The following ZFP90 variants were observed in gnomAD, a reference collection of about 807,000 sequenced individuals.
ZFP90 encodes ZFP90 zinc finger protein.
In ZFP90, 38 loss-of-function variants were observed where a neutral mutation model predicts 60.8. The ratio of observed to expected loss-of-function variants is 0.62; its 90% CI spans 0.48 to 0.82. The LOEUF (loss-of-function observed/expected upper bound fraction) is 0.82. Ranked by LOEUF, ZFP90 falls within the 40% of genes least tolerant of loss-of-function variation. The probability of loss-of-function intolerance (pLI) is 0.00; values close to 1 mark genes in which losing one functional copy is unlikely to be tolerated. For synonymous variants in ZFP90, 287 were observed against 264.8 expected (o/e 1.08, Z -0.82); for missense variants, 711 against 759.1 (o/e 0.94, Z 0.74).
At chr16:68,539,578 T>G in intron 1 of ZFP90, 99 bp downstream of exon 1, 4 of 531,554 alleles carry the variant, frequency 7.5e-6, no homozygotes, top group Non-Finnish European at 1.3e-5. Flanking sequence ...CGGAGGGGGG[T>G]GTCCGGGAGG....
intron 4 of ZFP90, among the ~76,000 whole-genome samples, chr16:68,561,531 A>G (rs1298699293): frequency 6.6e-6 from 1 of 152,068 alleles, no homozygotes; most frequent in Non-Finnish European, 1.5e-5. Context: ...CACTATAAAA[A>G]CTCAGATTTA....
Position 68,563,608 on chromosome 16 carries a change from G to T in ZFP90, c.821G>T (p.Arg274Ile). The change falls in exon 5 of 5, where the codon AGA (arginine) becomes ATA (isoleucine). Residue 274 changes from arginine to isoleucine, a missense_variant. Transcript: ENST00000563169. ...LWKTQLTEHQ[R>I]IHTGEKPFEC... ...AAGACACAGCTTACTGAGCATCAGA[G>T]AATTCACACTGGGGAGAAACCCTTT... 6.2e-7 allele frequency: 1 copy of T among 1,614,214 alleles called. No individual in the cohort carries two copies.
chr16:68,538,560 G>A (rs1241537195), upstream of ZFP90, among the ~76,000 whole-genome samples: 1 of 152,132 alleles, frequency 6.6e-6, no homozygotes, highest in Non-Finnish European at 1.5e-5. Flanking sequence ...AATTAGACGG[G>A]CCTGGTGACG....
chr16:68,556,111 A>C (rs779919877), intron 2 of ZFP90, among the ~76,000 whole-genome samples: 1 of 152,208 alleles, frequency 6.6e-6, no homozygotes, highest in African/African-American at 2.4e-5. Context: ...TTGAGGCTGC[A>C]GTGATTCATG....
At position 68,564,274 on chromosome 16, in the gene ZFP90, C is replaced by T. The variant is rs1698830308; in HGVS notation, c.1487C>T (p.Pro496Leu). The change falls in exon 5 of 5, where the codon CCC becomes CTC. Residue 496 changes from proline to leucine, a missense_variant. Physicochemically the swap from Pro to Leu is moderately conservative, Grantham distance 98 (BLOSUM62 -3). Coordinates refer to ENST00000563169, the MANE Select transcript of ZFP90 (RefSeq NM_001305203.2). ...QQAISHPGEK[P>L]YQCNVCGKAF... ...GCTATTTCTCATCCTGGAGAGAAAC[C>T]CTATCAATGTAATGTATGTGGGAAA... The T allele has an allele frequency of 3.1e-6, 5 of 1,613,904 alleles. No homozygotes were observed. Among genetic ancestry groups the T allele is most frequent in the Admixed American group, 3.3e-5 (2 of 59,980 alleles).
intron 2 of ZFP90, chr16:68,573,671 G>T (rs1337820377): frequency 6.6e-6 from 1 of 152,150 alleles, no homozygotes; most frequent in Non-Finnish European, 1.5e-5. Context: ...ATTAATAATA[G>T]GAAGATCTGG....
chr16:68,570,511 G>C (rs186049591), downstream of ZFP90, among the ~76,000 whole-genome samples: 1 of 152,332 alleles, frequency 6.6e-6, no homozygotes, highest in East Asian at 1.9e-4. Context: ...TCTGGAAAAG[G>C]GGTGGTAATT....
At chr16:68,554,119 TG>T (rs1431019257) in intron 2 of ZFP90, among the ~76,000 whole-genome samples, 2 of 86,340 alleles carry the variant, frequency 2.3e-5, no homozygotes, top group African/African-American at 9.5e-5. Flanking sequence ...GGTTGTGTTT[TG>T]TTTTGTTTTT....
intron 2 of ZFP90, among the ~76,000 whole-genome samples, chr16:68,556,302 G>A (rs1219002964): frequency 1.3e-5 from 1 of 74,560 alleles, no homozygotes; most frequent in African/African-American, 4.8e-5. Flanking sequence ...GAGGCATGGG[G>A]CACCTCAGCC....
chr16:68,567,136 A>C (rs994546368), downstream of ZFP90: 16 of 985,400 alleles, frequency 1.6e-5, no homozygotes, highest in Middle Eastern at 5.2e-4. Flanking sequence ...GTTGAATGGG[A>C]GTCAGTTTGT....
At chr16:68,551,946 G>A (rs913857943) in intron 2 of ZFP90, among the ~76,000 whole-genome samples, 1 of 149,814 alleles carries the variant, frequency 6.7e-6, no homozygotes, top group Non-Finnish European at 1.5e-5. Context: ...ATTTTTATTA[G>A]AGAGGGAGTT....
downstream of ZFP90, among the ~76,000 whole-genome samples, chr16:68,569,693 G>C (rs1343189715): frequency 6.6e-6 from 1 of 151,994 alleles, no homozygotes. Flanking sequence ...TTGAGCCCAG[G>C]AGTTCGAGAC....
chr16:68,547,580 A>G (rs893889587), intron 2 of ZFP90, among the ~76,000 whole-genome samples: 3 of 151,856 alleles, frequency 2.0e-5, no homozygotes, highest in Non-Finnish European at 4.4e-5. Flanking sequence ...CCTTATGCAT[A>G]TTTTTCCCCT....
chr16:68,566,602 C>T lies in ZFP90; in HGVS notation c.*1904C>T, dbSNP rs929434904. The T allele has an allele frequency of 4.2e-5, 41 of 985,446 alleles. 1 individual carries two copies. Among genetic ancestry groups the T allele is most frequent in the South Asian group, 4.7e-5 (1 of 21,284 alleles). The allele number at this position is 985,446 out of a possible 1,614,324, so 61.0% of individuals were successfully genotyped here. A position where few individuals can be genotyped will look rare whatever the true frequency, so the allele number is the denominator to read the frequency against. On this transcript the variant is annotated 3_prime_UTR_variant, in exon 5 of 5. Transcript: ENST00000563169. ...TGGAATATTCAATGGCAGATCTGCC[C>T]TTCTGAGATGCTGACCATCCAAAAC...
chr16:68,564,752 A>T lies in ZFP90; in HGVS notation c.*54A>T. On this transcript the variant is annotated 3_prime_UTR_variant, in exon 5 of 5. Transcript: ENST00000563169. ...TGCTTTAGCTAAAATGTTCTGATTC[A>T]GGATCAGAGGATTCTTAGAGAGCTT... 1 of 1,531,324 alleles carries T rather than the reference A, an allele frequency of 6.5e-7. No homozygotes were observed. The highest frequency in any genetic ancestry group is 8.7e-7 in the Non-Finnish European group (1 of 1,145,190). 94.9% of individuals were successfully genotyped at this position (1,531,324 alleles called of 1,614,324 possible).
intron 2 of ZFP90, among the ~76,000 whole-genome samples, chr16:68,546,118 T>C (rs954611428): frequency 2.0e-5 from 3 of 152,198 alleles, no homozygotes; most frequent in Admixed American, 6.5e-5. Context: ...GAGGTTGCAG[T>C]GAGCTGAGAT....
At position 68,564,840 on chromosome 16, in the gene ZFP90, G is replaced by GTT; in HGVS notation, c.*142_*143insTT. 1 of 814,102 alleles carries GTT rather than the reference G, an allele frequency of 1.2e-6. No individual in the cohort carries two copies. Among genetic ancestry groups the GTT allele is most frequent in the South Asian group, 2.6e-5 (1 of 39,062 alleles). 50.4% of individuals were successfully genotyped at this position (814,102 alleles called of 1,614,324 possible). A position where few individuals can be genotyped will look rare whatever the true frequency, so the allele number is the denominator to read the frequency against. ...GTGTGGAGAAAACTGCCAGTAGACAGATTTTTTTTTTTTAACATAAAGACA... is the reference window on the plus strand; with the variant it reads ...GTGTGGAGAAAACTGCCAGTAGACAGTTATTTTTTTTTTTTAACATAAAGACA... On this transcript the variant is annotated 3_prime_UTR_variant, in exon 5 of 5. Transcript: ENST00000563169.
chr16:68,562,888 C>G, intron 4 of ZFP90, 156 bp from the exon 5 acceptor site: 1 of 1,508,922 alleles, frequency 6.6e-7, no homozygotes, highest in Non-Finnish European at 8.9e-7. Flanking sequence ...CATTTCTTCA[C>G]TTTTCCTTTT....
chr16:68,568,763 C>T (rs2091552006), downstream of ZFP90, among the ~76,000 whole-genome samples: 1 of 152,194 alleles, frequency 6.6e-6, no homozygotes, highest in African/African-American at 2.4e-5. Flanking sequence ...ACTGCAGCCT[C>T]CACCTCCCAG....
Sources: gnomAD v4.1 joint callset for allele counts (sites outside exome capture counted in the v4.1 genomes callset) on GRCh38, gnomAD v4.1.1 for gene constraint, MANE v1.5 for transcripts, NCBI Gene and HGNC (gene_info 2026-07-23, HGNC 2026-07-21) for gene names.